The following SVOPL variants were observed in gnomAD, a reference collection of about 807,000 sequenced individuals.
SVOPL encodes the protein SVOP like, also known as putative transporter SVOPL.
A neutral mutation model predicts 61.0 loss-of-function variants in SVOPL; 60 were observed. That is an observed-to-expected ratio of 0.98 (90% CI 0.80 to 1.22). The LOEUF (loss-of-function observed/expected upper bound fraction) is 1.22. Ranked by LOEUF, SVOPL falls within the 50% of genes most tolerant of loss-of-function variation. The pLI is 0.00. For synonymous variants in SVOPL, 279 were observed against 250.0 expected (o/e 1.12, Z -1.09); for missense variants, 662 against 643.9 (o/e 1.03, Z -0.30).
At chr7:138,643,996 G>T (rs140887250) in intron 9 of SVOPL, among the ~76,000 whole-genome samples, 2 of 151,888 alleles carry the variant, frequency 1.3e-5, no homozygotes, top group African/African-American at 4.8e-5. Flanking sequence ...GAGGTCAAGA[G>T]ATCAAGACCA....
chr7:138,650,661 A>G (rs1801381253), intron 7 of SVOPL, among the ~76,000 whole-genome samples: 1 of 138,474 alleles, frequency 7.2e-6, no homozygotes, highest in South Asian at 2.5e-4. Context: ...AAAAATTTAA[A>G]AATTCACTAG....
intron 14 of SVOPL, among the ~76,000 whole-genome samples, chr7:138,605,191 TAA>T (rs34189478): frequency 8.8e-4 from 117 of 133,100 alleles, no homozygotes; most frequent in Middle Eastern, 3.8e-3. Flanking sequence ...GACATTTATT[TAA>T]AAAAAAAAAA....
At position 138,699,211 on chromosome 7, in the gene SVOPL, G is replaced by A. The variant is rs537720539; in HGVS notation, c.-35+1967C>T. On this transcript the variant is annotated intron_variant, in intron 1 of 15. Coordinates refer to ENST00000674285, the MANE Select transcript of SVOPL (RefSeq NM_001139456.2). ...CCCAGCTACTTGGGAGGCTGAGGCAGGAGAATCTCTTGAACCTGGGAGGCG... is the reference window on the plus strand; with the variant it reads ...CCCAGCTACTTGGGAGGCTGAGGCAAGAGAATCTCTTGAACCTGGGAGGCG... Among the ~76,000 whole-genome samples, 8 of 152,190 alleles carry A rather than the reference G, an allele frequency of 5.3e-5. No homozygotes were observed. In the East Asian group the frequency reaches 1.5e-3, roughly 29 times the overall value.
At chr7:138,615,202 C>G (rs1799235185) in intron 14 of SVOPL, among the ~76,000 whole-genome samples, 1 of 152,018 alleles carries the variant, frequency 6.6e-6, no homozygotes, top group South Asian at 2.1e-4. Flanking sequence ...GATGTGGGGC[C>G]TTTGGGGATG....
chr7:138,639,029 G>T (rs1800644190), intron 9 of SVOPL, among the ~76,000 whole-genome samples: 1 of 152,102 alleles, frequency 6.6e-6, no homozygotes, highest in South Asian at 2.1e-4. Flanking sequence ...GAGGCAGGTG[G>T]ATCACCTGAG....
intron 3 of SVOPL, among the ~76,000 whole-genome samples, chr7:138,678,086 G>C (rs2117120941): frequency 6.6e-6 from 1 of 152,080 alleles, no homozygotes; most frequent in East Asian, 1.9e-4. Context: ...ATCTTAACTT[G>C]AACATCTCCT....
intron 7 of SVOPL, among the ~76,000 whole-genome samples, chr7:138,654,448 C>A (rs1374696930): frequency 1.3e-5 from 2 of 149,052 alleles, no homozygotes; most frequent in Non-Finnish European, 3.0e-5. Flanking sequence ...AGAAATAGAA[C>A]AACAAAACCT....
Position 138,644,715 on chromosome 7 carries a change from A to T in SVOPL, c.789+2T>A. ...GAGAAGACCTCGGGGGCCAGCACTC[A>T]CCAGGACGGGCTCCACCAGCTTCCC... On this transcript the variant is annotated splice_donor_variant, in intron 9 of 15. Coordinates refer to ENST00000674285, the MANE Select transcript of SVOPL (RefSeq NM_001139456.2). LOFTEE classifies it high-confidence loss of function. 1 of 1,613,926 alleles carries T rather than the reference A, an allele frequency of 6.2e-7. No homozygotes were observed. Among genetic ancestry groups the T allele is most frequent in the African/African-American group, 1.3e-5 (1 of 75,012 alleles).
chr7:138,621,886 C>CTGTCTATCTATG (rs1799598331), intron 13 of SVOPL, among the ~76,000 whole-genome samples: 1 of 38,836 alleles, frequency 2.6e-5, no homozygotes, highest in Non-Finnish European at 5.7e-5. Flanking sequence ...ATCTATCTAT[C>CTGTCTATCTATG]TATCTATCTA....
intron 2 of SVOPL, 71 bp downstream of exon 2, chr7:138,678,893 G>T: frequency 2.1e-6 from 3 of 1,450,444 alleles, no homozygotes; most frequent in South Asian, 1.3e-5. Flanking sequence ...TCACCTTTTT[G>T]CATTTAACCT....
At chr7:138,637,463 T>TATATATATAGATATAG (rs1554463004) in intron 9 of SVOPL, among the ~76,000 whole-genome samples, 57 of 19,038 alleles carry the variant, frequency 3.0e-3, no homozygotes, top group Middle Eastern at 0.033. Flanking sequence ...TAGATATATA[T>TATATATATAGATATAG]ATATAGATAT....
At chr7:138,680,159 T>C (rs1008854098) in intron 1 of SVOPL, among the ~76,000 whole-genome samples, 19 of 151,682 alleles carry the variant, frequency 1.3e-4, no homozygotes, top group African/African-American at 4.6e-4. Context: ...CTTTCTTGCA[T>C]GTCATTGTCT....
intron 14 of SVOPL, among the ~76,000 whole-genome samples, chr7:138,605,806 T>C (rs1798731230): frequency 6.6e-6 from 1 of 152,204 alleles, no homozygotes; most frequent in Non-Finnish European, 1.5e-5. Context: ...GCAAAGGCTC[T>C]GGCTGAGAGG....
intron 1 of SVOPL, among the ~76,000 whole-genome samples, chr7:138,687,503 CTGAGA>C (rs1375686494): frequency 6.6e-6 from 1 of 151,504 alleles, no homozygotes; most frequent in African/African-American, 2.4e-5. Context: ...TCCCAAAGTG[CTGAGA>C]TTAGAGGCAT....
At chr7:138,644,093 C>A (rs1364083812) in intron 9 of SVOPL, among the ~76,000 whole-genome samples, 1 of 146,608 alleles carries the variant, frequency 6.8e-6, no homozygotes, top group Non-Finnish European at 1.5e-5. Flanking sequence ...CCCAGCTACT[C>A]GGGAGGCTGA....
intron 9 of SVOPL, among the ~76,000 whole-genome samples, chr7:138,635,831 G>C (rs1391692746): frequency 6.6e-6 from 1 of 152,152 alleles, no homozygotes; most frequent in African/African-American, 2.4e-5. Flanking sequence ...ATTGGCAATT[G>C]CTGTTAAGAG....
chr7:138,614,911 C>T (rs1332784510), intron 14 of SVOPL, among the ~76,000 whole-genome samples: 2 of 152,140 alleles, frequency 1.3e-5, no homozygotes, highest in Middle Eastern at 3.4e-3. Context: ...GATGCTGGAC[C>T]ATCTCATTTG....
intron 14 of SVOPL, among the ~76,000 whole-genome samples, chr7:138,608,301 C>T (rs1563084821): frequency 6.6e-6 from 1 of 152,122 alleles, no homozygotes; most frequent in Non-Finnish European, 1.5e-5. Context: ...TTTAGAACAG[C>T]CAGTTTAAAA....
At chr7:138,605,529 G>T (rs1265737434) in intron 14 of SVOPL, among the ~76,000 whole-genome samples, 2 of 151,584 alleles carry the variant, frequency 1.3e-5, no homozygotes, top group East Asian at 3.9e-4. Context: ...GAGCGTGGTG[G>T]CAGGCGCCTA....
Sources: allele counts gnomAD v4.1 joint callset (sites outside exome capture counted in the v4.1 genomes callset), GRCh38; gene constraint gnomAD v4.1.1; transcripts MANE v1.5; gene names NCBI Gene and HGNC (gene_info 2026-07-23, HGNC 2026-07-21).